The following CDH12 variants were observed in gnomAD, a reference collection of about 807,000 sequenced individuals.
CDH12 encodes cadherin-12.
Under a neutral mutation model 74.1 loss-of-function variants are expected in CDH12, and 41 were observed. That is an observed-to-expected ratio of 0.55 (90% CI 0.43 to 0.72). The LOEUF (loss-of-function observed/expected upper bound fraction) is 0.72. Ranked by LOEUF, CDH12 falls within the 30% of genes least tolerant of loss-of-function variation. The pLI is 0.00. For missense variants in CDH12, 945 were observed against 977.2 expected (o/e 0.97, Z 0.44); for synonymous variants, 399 against 355.0 (o/e 1.12, Z -1.39).
intron 4 of CDH12, among the ~76,000 whole-genome samples, chr5:22,146,425 C>T (rs1747184164): frequency 6.6e-6 from 1 of 151,954 alleles, no homozygotes. Context: ...TAACAACAGA[C>T]TGAATAAATA....
intron 10 of CDH12, among the ~76,000 whole-genome samples, chr5:21,795,832 A>G (rs1404255215): frequency 6.6e-6 from 1 of 151,996 alleles, no homozygotes; most frequent in Admixed American, 6.6e-5. Flanking sequence ...CATATTGAAA[A>G]GGACCTTCAA....
At chr5:22,657,016 G>A (rs1740076920) in intron 1 of CDH12, among the ~76,000 whole-genome samples, 1 of 151,914 alleles carries the variant, frequency 6.6e-6, no homozygotes, top group African/African-American at 2.4e-5. Context: ...CCAAAATGCT[G>A]GCTTTACAGG....
intron 5 of CDH12, among the ~76,000 whole-genome samples, chr5:22,019,806 A>G (rs964344054): frequency 3.9e-5 from 6 of 152,234 alleles, no homozygotes; most frequent in Admixed American, 2.6e-4. Flanking sequence ...TAAAACCATC[A>G]ATAATTAATG....
At chr5:22,304,199 G>A (rs976096976) in intron 3 of CDH12, among the ~76,000 whole-genome samples, 2 of 152,004 alleles carry the variant, frequency 1.3e-5, no homozygotes, top group African/African-American at 4.8e-5. Context: ...GAGAGTTAAC[G>A]AGATGCCGTA....
At chr5:21,849,062 C>G (rs1461530363) in intron 7 of CDH12, among the ~76,000 whole-genome samples, 1 of 151,884 alleles carries the variant, frequency 6.6e-6, no homozygotes, top group African/African-American at 2.4e-5. Context: ...GTGAAACTCA[C>G]AATCTAATGA....
intron 6 of CDH12, among the ~76,000 whole-genome samples, chr5:21,874,495 T>C: frequency 6.6e-6 from 1 of 152,126 alleles, no homozygotes; most frequent in Admixed American, 6.5e-5. Context: ...AAATAGCCAA[T>C]CATCTATCGC....
intron 1 of CDH12, among the ~76,000 whole-genome samples, chr5:22,620,627 T>A (rs879312271): frequency 4.6e-5 from 7 of 152,132 alleles, no homozygotes; most frequent in Non-Finnish European, 8.8e-5. Context: ...TTAGGGTTCA[T>A]TATTCTGTAT....
At chr5:22,079,862 C>G (rs1742596282) in intron 4 of CDH12, among the ~76,000 whole-genome samples, 1 of 149,752 alleles carries the variant, frequency 6.7e-6, no homozygotes, top group Admixed American at 6.6e-5. Context: ...AAAAAATAAA[C>G]AGTCAAATAA....
At chr5:22,493,983 C>A (rs1746997337) in intron 2 of CDH12, among the ~76,000 whole-genome samples, 1 of 152,020 alleles carries the variant, frequency 6.6e-6, no homozygotes, top group Admixed American at 6.6e-5. Flanking sequence ...AGGCAGTGTT[C>A]AGGTGATCAG....
chr5:22,035,745 CACACACT>C (rs1338835971), intron 5 of CDH12, among the ~76,000 whole-genome samples: 1 of 151,548 alleles, frequency 6.6e-6, no homozygotes, highest in African/African-American at 2.4e-5. Context: ...CACACACACA[CACACACT>C]CCCCAGAGGA....
intron 2 of CDH12, among the ~76,000 whole-genome samples, chr5:22,467,074 C>T (rs779929173): frequency 1.5e-4 from 23 of 152,052 alleles, no homozygotes; most frequent in Admixed American, 3.9e-4. Context: ...CGTGAGCCAC[C>T]GTGCCCGGCC....
In CDH12 at chr5:22,403,794, T is replaced by C. The variant is rs114508026; in HGVS notation, c.-333+1463A>G. ...AATGTGTTGCAGTAGTAAGACATTG[T>C]ATTTCAGGCTTAGATATCTGCAACT... is the stretch of plus-strand genomic sequence containing the variant. On this transcript the variant is annotated intron_variant, in intron 3 of 14. Transcript: ENST00000382254. Among the ~76,000 whole-genome samples, 1,119 of 152,292 alleles carry C rather than the reference T, an allele frequency of 7.3e-3. 13 individuals carry two copies. The highest frequency in any genetic ancestry group is 0.026 in the African/African-American group (1,069 of 41,566).
intron 3 of CDH12, among the ~76,000 whole-genome samples, chr5:22,376,925 C>CTG: frequency 6.6e-6 from 1 of 152,174 alleles, no homozygotes; most frequent in African/African-American, 2.4e-5. Flanking sequence ...ATAAATAGTT[C>CTG]TGTTTAGCAG....
chr5:22,533,055 T>C (rs1183314061), intron 1 of CDH12, among the ~76,000 whole-genome samples: 1 of 151,894 alleles, frequency 6.6e-6, no homozygotes, highest in Non-Finnish European at 1.5e-5. Flanking sequence ...TCAAAGAAAA[T>C]AGATGTTCCC....
intron 1 of CDH12, among the ~76,000 whole-genome samples, chr5:22,555,831 T>C (rs1738779302): frequency 6.6e-6 from 1 of 151,922 alleles, no homozygotes; most frequent in African/African-American, 2.4e-5. Context: ...ATTAAAAACA[T>C]GCATAATTGC....
intron 6 of CDH12, among the ~76,000 whole-genome samples, chr5:21,891,572 T>TACATACACACACACACAC (rs1554041529): frequency 3.4e-5 from 5 of 144,954 alleles, no homozygotes; most frequent in African/African-American, 1.0e-4. Flanking sequence ...CACACACACA[T>TACATACACACACACACAC]ACACACACAC....
intron 7 of CDH12, among the ~76,000 whole-genome samples, chr5:21,852,329 G>A (rs777548132): frequency 6.0e-5 from 9 of 150,982 alleles, no homozygotes; most frequent in Non-Finnish European, 1.3e-4. Context: ...TTCACTCTTC[G>A]TTCTAAATAA....
In CDH12 at chr5:21,907,613, G is replaced by A. The variant is rs771272961; in HGVS notation, c.527-52823C>T. Among the ~76,000 whole-genome samples, 13 of 152,258 alleles carry A rather than the reference G, an allele frequency of 8.5e-5. No homozygotes were observed. The East Asian group carries it at 9.7e-4, about 11-fold the overall frequency. ...GGAGTTCCTGTCCCAGCTCTACCCCGGGAGCTAAGCAAAGAATACCCAGTT... is the reference window on the plus strand; with the variant it reads ...GGAGTTCCTGTCCCAGCTCTACCCCAGGAGCTAAGCAAAGAATACCCAGTT... On this transcript the variant is annotated intron_variant, in intron 6 of 14. Coordinates refer to ENST00000382254, the MANE Select transcript of CDH12 (RefSeq NM_004061.5).
At chr5:22,619,673 A>T (rs1737870857) in intron 1 of CDH12, among the ~76,000 whole-genome samples, 2 of 151,898 alleles carry the variant, frequency 1.3e-5, no homozygotes, top group African/African-American at 4.8e-5. Context: ...TCTCCTTCTG[A>T]ATGAGGCTTC....
Sources: allele counts gnomAD v4.1 joint callset (sites outside exome capture counted in the v4.1 genomes callset), GRCh38; gene constraint gnomAD v4.1.1; transcripts MANE v1.5; gene names NCBI Gene and HGNC (gene_info 2026-07-23, HGNC 2026-07-21).